Variants in RABEP1 observed in about 807,000 individuals in gnomAD.
RABEP1 encodes the protein rab GTPase-binding effector protein 1.
Under a neutral mutation model 123.4 loss-of-function variants are expected in RABEP1, and 51 were observed. The observed-to-expected ratio is 0.41, with a 90% CI of 0.33 to 0.52. The LOEUF (loss-of-function observed/expected upper bound fraction) is 0.52. RABEP1 is among the 20% of genes least tolerant of loss of function. The probability of loss-of-function intolerance (pLI) is 0.16; values close to 1 mark genes in which losing one functional copy is unlikely to be tolerated. For missense variants in RABEP1, 888 were observed against 996.3 expected, an observed-to-expected ratio of 0.89 and a Z score of 1.46; for synonymous variants, 347 against 355.2, an observed-to-expected ratio of 0.98 and a Z score of 0.26.
intron 9 of RABEP1, among the ~76,000 whole-genome samples, chr17:5,362,626 A>G (rs1033011260): frequency 1.3e-5 from 2 of 152,168 alleles, no homozygotes; most frequent in African/African-American, 4.8e-5. Flanking sequence ...GTATTATACC[A>G]TGAGTGCCAT....
chr17:5,363,419 C>A (rs1165997720), intron 10 of RABEP1, among the ~76,000 whole-genome samples: 2 of 151,956 alleles, frequency 1.3e-5, no homozygotes, highest in Admixed American at 1.3e-4. Flanking sequence ...GGGGTTTCAC[C>A]ATGTTGCCTA....
chr17:5,288,763 G>T (rs1359175071), intron 1 of RABEP1, among the ~76,000 whole-genome samples: 1 of 151,886 alleles, frequency 6.6e-6, no homozygotes, highest in African/African-American at 2.4e-5. Flanking sequence ...GAGTGCAGTG[G>T]TGTGATCTCT....
intron 1 of RABEP1, among the ~76,000 whole-genome samples, chr17:5,304,557 G>A (rs1597336849): frequency 6.6e-6 from 1 of 151,818 alleles, no homozygotes; most frequent in Non-Finnish European, 1.5e-5. Flanking sequence ...ACTCCAGCCT[G>A]GGCAACAAAG....
At chr17:5,297,272 C>CT (rs150507829) in intron 1 of RABEP1, among the ~76,000 whole-genome samples, 5 of 152,064 alleles carry the variant, frequency 3.3e-5, no homozygotes, top group Admixed American at 2.6e-4. Flanking sequence ...GTACACAAGA[C>CT]TTTTTTAAAA....
chr17:5,355,249 C>T (rs1160588402), intron 8 of RABEP1, among the ~76,000 whole-genome samples: 1 of 152,186 alleles, frequency 6.6e-6, no homozygotes, highest in African/African-American at 2.4e-5. Flanking sequence ...ACATTTTAGC[C>T]ATGTTGGTCA....
In RABEP1 at chr17:5,386,138, C is replaced by G. The variant is rs1911942841; in HGVS notation, c.*2915C>G. On this transcript the variant is annotated 3_prime_UTR_variant, in exon 18 of 18. Transcript: ENST00000537505. ...CTTTTTATAAATTAGATAATTCTAC[C>G]TGTTTTACAATATGGGTTTAAGCCT... 8.7e-7 allele frequency: 1 copy of G among 1,151,350 alleles called. No homozygotes were observed. Among genetic ancestry groups the G allele is most frequent in the Non-Finnish European group, 1.3e-6 (1 of 796,652 alleles). 71.3% of individuals were successfully genotyped at this position (1,151,350 alleles called of 1,614,324 possible).
intron 6 of RABEP1, among the ~76,000 whole-genome samples, chr17:5,347,515 A>G (rs939308888): frequency 2.0e-5 from 3 of 152,162 alleles, no homozygotes; most frequent in Non-Finnish European, 4.4e-5. Context: ...TGCTTCAACT[A>G]CTTTTCCCCC....
At chr17:5,303,773 C>G (rs932468259) in intron 1 of RABEP1, among the ~76,000 whole-genome samples, 1 of 152,082 alleles carries the variant, frequency 6.6e-6, no homozygotes, top group Non-Finnish European at 1.5e-5. Context: ...TGGCTCACAC[C>G]TATAATCCCA....
intron 4 of RABEP1, among the ~76,000 whole-genome samples, chr17:5,335,701 A>G (rs1048771615): frequency 5.9e-5 from 9 of 151,932 alleles, no homozygotes; most frequent in Admixed American, 1.3e-4. Context: ...GAGTTCACCT[A>G]TTGTGTTTAT....
chr17:5,325,455 C>T (rs1352061659), intron 2 of RABEP1, among the ~76,000 whole-genome samples: 1 of 152,082 alleles, frequency 6.6e-6, no homozygotes, highest in African/African-American at 2.4e-5. Context: ...CATGGTCTCA[C>T]TTGTGGAGGC....
At position 5,362,905 on chromosome 17, in the gene RABEP1, C is replaced by T; in HGVS notation, c.1564-7C>T. The T allele has an allele frequency of 6.2e-7, 1 of 1,600,860 alleles. No homozygotes were observed. The highest frequency in any genetic ancestry group is 8.6e-7 in the Non-Finnish European group (1 of 1,168,004). ...GCCTGATAAGAGGTAATTTTGGTGC[C>T]CTTCAGGTACATAATGCTGGAAATA... On this transcript the variant is annotated splice_polypyrimidine_tract_variant and splice_region_variant and intron_variant, in intron 9 of 17. Transcript: ENST00000537505.
intron 2 of RABEP1, among the ~76,000 whole-genome samples, chr17:5,312,309 T>C (rs1411996855): frequency 6.6e-6 from 1 of 152,106 alleles, no homozygotes; most frequent in African/African-American, 2.4e-5. Context: ...CCACCACACC[T>C]GGCTAATTTT....
intron 1 of RABEP1, among the ~76,000 whole-genome samples, chr17:5,287,976 A>G (rs559475782): frequency 2.2e-4 from 34 of 152,236 alleles, no homozygotes; most frequent in African/African-American, 7.9e-4. Flanking sequence ...AATCCAGAAA[A>G]AAGATGTTGA....
rs1908495976 is a variant in RABEP1, at chr17:5,351,011, CATT to C, written c.963+385_963+387del. ...CACAAATTTGTAAACTTTCTTAAAA[CATT>C]ATGAGATTTTTTTTGCAATCTTTTT... On this transcript the variant is annotated intron_variant, in intron 7 of 17. Coordinates refer to ENST00000537505, the MANE Select transcript of RABEP1 (RefSeq NM_004703.6). 7.2e-5 allele frequency among the ~76,000 whole-genome samples: 11 copies of C among 152,266 alleles called. No individual in the cohort carries two copies. In the South Asian group the frequency reaches 2.3e-3, roughly 32 times the overall value.
intron 4 of RABEP1, among the ~76,000 whole-genome samples, chr17:5,336,958 A>C (rs1290889733): frequency 6.6e-6 from 1 of 152,170 alleles, no homozygotes. Flanking sequence ...ACTTAGTATA[A>C]CTTTGCACTC....
At chr17:5,367,191 T>C (rs1371950395) in intron 11 of RABEP1, among the ~76,000 whole-genome samples, 4 of 152,050 alleles carry the variant, frequency 2.6e-5, no homozygotes, top group Non-Finnish European at 5.9e-5. Flanking sequence ...GAAGATATCC[T>C]ATATTATAGA....
intron 13 of RABEP1, 30 bp from the exon 14 acceptor site, chr17:5,377,086 A>T: frequency 6.4e-7 from 1 of 1,558,350 alleles, no homozygotes; most frequent in Non-Finnish European, 8.6e-7. Flanking sequence ...ACTCTCACAA[A>T]CCCAATAATC....
rs543289799 is a variant in RABEP1, at chr17:5,385,314, A to C, written c.*2091A>C. ...AGGATTTAGCCCTTCTAGGCAAAAG[A>C]AAAGCTCAGTTGGGTTTCACGAGTG... On this transcript the variant is annotated 3_prime_UTR_variant, in exon 18 of 18. Transcript: ENST00000537505. 4.3e-6 allele frequency: 1 copy of C among 231,266 alleles called. No homozygotes were observed. The highest frequency in any genetic ancestry group is 1.8e-4 in the South Asian group (1 of 5,508). The allele number at this position is 231,266 out of a possible 1,614,324, so 14.3% of individuals were successfully genotyped here. A position where few individuals can be genotyped will look rare whatever the true frequency, so the allele number is the denominator to read the frequency against.
chr17:5,322,140 C>T (rs1194400013), intron 2 of RABEP1, among the ~76,000 whole-genome samples: 1 of 152,132 alleles, frequency 6.6e-6, no homozygotes, highest in Admixed American at 6.5e-5. Flanking sequence ...GCGGAGGTTG[C>T]AGTGAGCTGA....
Sources: allele counts gnomAD v4.1 joint callset (sites outside exome capture counted in the v4.1 genomes callset), GRCh38; gene constraint gnomAD v4.1.1; transcripts MANE v1.5; gene names NCBI Gene and HGNC (gene_info 2026-07-23, HGNC 2026-07-21).